Variants in GALNT13 observed in about 807,000 individuals in gnomAD.
GALNT13 encodes the protein polypeptide N-acetylgalactosaminyltransferase 13.
Under a neutral mutation model 64.2 loss-of-function variants are expected in GALNT13, and 28 were observed. That is an observed-to-expected ratio of 0.44 (90% CI 0.32 to 0.60). The LOEUF (loss-of-function observed/expected upper bound fraction) is 0.60, where lower values mean the gene tolerates loss of function less well. GALNT13 is among the 20% of genes least tolerant of loss of function. GALNT13 has a pLI of 0.05. For missense variants in GALNT13, 577 were observed against 669.8 expected (o/e 0.86, Z 1.53); for synonymous variants, 214 against 224.6 (o/e 0.95, Z 0.42).
intron 4 of GALNT13, among the ~76,000 whole-genome samples, chr2:154,178,196 A>C (rs916983704): frequency 6.6e-6 from 1 of 152,176 alleles, no homozygotes; most frequent in Non-Finnish European, 1.5e-5. Flanking sequence ...GCTGGAGGTC[A>C]CACAAGTACA....
chr2:153,227,274 G>A, the GALNT13 span, among the ~76,000 whole-genome samples: 212 of 152,280 alleles, frequency 1.4e-3, no homozygotes, highest in African/African-American at 4.8e-3. Flanking sequence ...CCTCCAGGTC[G>A]ATGAATATGA....
intron 4 of GALNT13, among the ~76,000 whole-genome samples, chr2:154,153,837 C>T (rs1684227188): frequency 6.6e-6 from 1 of 152,206 alleles, no homozygotes; most frequent in East Asian, 1.9e-4. Flanking sequence ...CATCTGTCAC[C>T]CCTTTCTTTG....
the GALNT13 span, among the ~76,000 whole-genome samples, chr2:153,141,040 C>T: frequency 6.8e-6 from 1 of 146,372 alleles, no homozygotes. Flanking sequence ...TGTCCATCCC[C>T]TGTCAAAGAG....
chr2:153,410,407 T>C, the GALNT13 span, among the ~76,000 whole-genome samples: 1 of 152,172 alleles, frequency 6.6e-6, no homozygotes, highest in African/African-American at 2.4e-5. Flanking sequence ...GAAATGCTTT[T>C]GAACCTAGAA....
At chr2:154,396,332 C>CA (rs1274930561) in intron 10 of GALNT13, among the ~76,000 whole-genome samples, 16 of 149,676 alleles carry the variant, frequency 1.1e-4, no homozygotes, top group East Asian at 3.9e-4. Context: ...TAACATTGAA[C>CA]AAAAAAAAAA....
intron 2 of GALNT13, among the ~76,000 whole-genome samples, chr2:153,918,882 C>G (rs557627545): frequency 2.6e-5 from 4 of 152,186 alleles, no homozygotes; most frequent in African/African-American, 7.2e-5. Context: ...CTAAATGTCT[C>G]CAAGATTTTT....
the GALNT13 span, among the ~76,000 whole-genome samples, chr2:153,612,018 C>T: frequency 6.6e-6 from 1 of 151,994 alleles, no homozygotes; most frequent in Non-Finnish European, 1.5e-5. Flanking sequence ...CATCCATGTC[C>T]CTGCAAAGGA....
the GALNT13 span, among the ~76,000 whole-genome samples, chr2:153,659,976 G>A: frequency 1.3e-5 from 2 of 152,122 alleles, no homozygotes; most frequent in African/African-American, 2.4e-5. Context: ...AATGCTGGTT[G>A]TCTTCCATGG....
At chr2:153,111,092 C>T in the GALNT13 span, among the ~76,000 whole-genome samples, 1 of 152,036 alleles carries the variant, frequency 6.6e-6, no homozygotes, top group Non-Finnish European at 1.5e-5. Flanking sequence ...ATGGCACAAA[C>T]TATTTACTTG....
the GALNT13 span, among the ~76,000 whole-genome samples, chr2:153,184,639 C>T: frequency 6.6e-6 from 1 of 152,008 alleles, no homozygotes; most frequent in African/African-American, 2.4e-5. Flanking sequence ...AGGTATATTC[C>T]TTCAGTATCT....
intron 3 of GALNT13, among the ~76,000 whole-genome samples, chr2:154,044,057 G>A (rs896142813): frequency 2.6e-5 from 4 of 151,552 alleles, no homozygotes; most frequent in African/African-American, 9.7e-5. Context: ...GGGTGACAGA[G>A]TTAGACTCTG....
chr2:153,803,972 C>T, the GALNT13 span, among the ~76,000 whole-genome samples: 1 of 152,094 alleles, frequency 6.6e-6, no homozygotes, highest in East Asian at 1.9e-4. Flanking sequence ...TAATCCCTAC[C>T]TTTTCATCCC....
At chr2:153,646,328 T>C in the GALNT13 span, among the ~76,000 whole-genome samples, 1 of 151,908 alleles carries the variant, frequency 6.6e-6, no homozygotes, top group South Asian at 2.1e-4. Flanking sequence ...TGAAGACATC[T>C]GTATCTGCAT....
At chr2:153,502,513 A>C in the GALNT13 span, among the ~76,000 whole-genome samples, 1 of 152,166 alleles carries the variant, frequency 6.6e-6, no homozygotes, top group African/African-American at 2.4e-5. Context: ...AGCTGGTTCC[A>C]TATTTTTGCA....
At chr2:153,150,537 A>G in the GALNT13 span, among the ~76,000 whole-genome samples, 1 of 152,116 alleles carries the variant, frequency 6.6e-6, no homozygotes, top group Non-Finnish European at 1.5e-5. Context: ...TTAGACATGA[A>G]GTCCTTGCCC....
At chr2:153,234,457 T>C in the GALNT13 span, among the ~76,000 whole-genome samples, 2 of 152,124 alleles carry the variant, frequency 1.3e-5, no homozygotes, top group African/African-American at 4.8e-5. Context: ...CCCACCTTTA[T>C]GGGTGTGAGA....
At chr2:153,978,661 T>C (rs893212292) in intron 3 of GALNT13, among the ~76,000 whole-genome samples, 1 of 152,230 alleles carries the variant, frequency 6.6e-6, no homozygotes, top group African/African-American at 2.4e-5. Context: ...CATGATTCTG[T>C]GGCTTCCCCA....
At chr2:154,058,256 A>C (rs1159287813) in intron 3 of GALNT13, among the ~76,000 whole-genome samples, 1 of 151,420 alleles carries the variant, frequency 6.6e-6, no homozygotes, top group African/African-American at 2.5e-5. Flanking sequence ...GAACCCAATC[A>C]TACTGCCATT....
At chr2:153,859,962 C>A in the GALNT13 span, among the ~76,000 whole-genome samples, 1 of 152,148 alleles carries the variant, frequency 6.6e-6, no homozygotes, top group Admixed American at 6.5e-5. Flanking sequence ...ATTGGTTCCT[C>A]TTTTCATTGG....
Sources: gnomAD v4.1 joint callset for allele counts (sites outside exome capture counted in the v4.1 genomes callset) on GRCh38, gnomAD v4.1.1 for gene constraint, MANE v1.5 for transcripts, NCBI Gene and HGNC (gene_info 2026-07-23, HGNC 2026-07-21) for gene names.